Variants in GPR19 observed in about 807,000 individuals in gnomAD.
GPR19 encodes the protein G protein-coupled receptor 19.
A neutral mutation model predicts 28.5 loss-of-function variants in GPR19; 14 were observed. That is an observed-to-expected ratio of 0.49 (90% confidence interval 0.32 to 0.77). GPR19 has a LOEUF of 0.77. GPR19 is among the 30% of genes least tolerant of loss of function. The pLI, the probability that GPR19 is intolerant of heterozygous loss-of-function variation, is 0.03. For synonymous variants in GPR19, 173 were observed against 184.1 expected (o/e 0.94, Z 0.49); for missense variants, 409 against 504.1 (o/e 0.81, Z 1.81).
intron 3 of GPR19, among the ~76,000 whole-genome samples, chr12:12,683,625 C>T (rs780059598): frequency 3.3e-5 from 5 of 152,154 alleles, no homozygotes; most frequent in Non-Finnish European, 7.4e-5. Context: ...CAGTGCCTTG[C>T]ACATTAGAAA....
chr12:12,714,404 G>A, the GPR19 span, among the ~76,000 whole-genome samples: 301 of 152,290 alleles, frequency 2.0e-3, 5 homozygotes, highest in East Asian at 0.014. Flanking sequence ...CGACGCTGGC[G>A]GCTTGCTCAT....
intron 3 of GPR19, among the ~76,000 whole-genome samples, chr12:12,682,580 A>G (rs1233654265): frequency 1.3e-5 from 2 of 152,234 alleles, no homozygotes; most frequent in African/African-American, 4.8e-5. Context: ...ATGTGACTAT[A>G]ATAGCATCAA....
In GPR19 at chr12:12,675,186, G is replaced by GT. The variant is rs533896745; in HGVS notation, c.-23+9164dup. 3.6e-4 allele frequency among the ~76,000 whole-genome samples: 55 copies of GT among 152,238 alleles called. No homozygotes were observed. In the South Asian group the frequency reaches 4.4e-3, roughly 12 times the overall value. On this transcript the variant is annotated intron_variant, in intron 3 of 3. Transcript: ENST00000651487. ...CTGTTGTCCTGGAAGCAATTCAGAG[G>GT]TTTTTTTATAGACAAAAGAACCTAA...
chr12:12,698,218 AT>A (rs1169325076), upstream of GPR19, among the ~76,000 whole-genome samples: 1 of 152,166 alleles, frequency 6.6e-6, no homozygotes, highest in Admixed American at 6.5e-5. Flanking sequence ...CAAATAAAAC[AT>A]TTTTCTTCAC....
chr12:12,693,990 C>A (rs1946222478), intron 2 of GPR19, among the ~76,000 whole-genome samples: 1 of 152,006 alleles, frequency 6.6e-6, no homozygotes, highest in African/African-American at 2.4e-5. Flanking sequence ...CGTGAGCCAC[C>A]GTGCCTGGCC....
At chr12:12,691,370 C>T (rs973064087) in intron 2 of GPR19, among the ~76,000 whole-genome samples, 4 of 152,176 alleles carry the variant, frequency 2.6e-5, no homozygotes, top group Admixed American at 2.6e-4. Context: ...ATTTCACCTC[C>T]ATTTGAGTCA....
intron 3 of GPR19, among the ~76,000 whole-genome samples, chr12:12,679,052 C>T (rs1945981637): frequency 6.6e-6 from 1 of 152,148 alleles, no homozygotes; most frequent in South Asian, 2.1e-4. Flanking sequence ...CCACCTCAGC[C>T]TCCCAAAGTA....
At chr12:12,716,741 G>T in the GPR19 span, 1 of 985,144 alleles carries the variant, frequency 1.0e-6, no homozygotes, top group African/African-American at 1.7e-5. Context: ...TCTTCCCTAG[G>T]CCCCCAGCCT....
At chr12:12,716,853 C>A in the GPR19 span, 6 of 983,934 alleles carry the variant, frequency 6.1e-6, no homozygotes, top group South Asian at 9.4e-5. Context: ...GGCGCCCAGC[C>A]CCCCCAGCAA....
At chr12:12,699,138 T>C (rs7310890), upstream of GPR19, among the ~76,000 whole-genome samples, 148,789 of 151,752 alleles carry the variant, frequency 0.98, 73,003 homozygotes, top group East Asian at 1. Context: ...GTCAGGAGTT[T>C]GAGACCAGCC....
At chr12:12,702,828 A>G in the GPR19 span, among the ~76,000 whole-genome samples, 1 of 152,206 alleles carries the variant, frequency 6.6e-6, no homozygotes, top group Non-Finnish European at 1.5e-5. Context: ...AAGGTGTTAA[A>G]AAATGATGAT....
the GPR19 span, among the ~76,000 whole-genome samples, chr12:12,701,575 TCGCCC>T: frequency 6.6e-6 from 1 of 152,130 alleles, no homozygotes; most frequent in African/African-American, 2.4e-5. Context: ...ATTTAGTTAA[TCGCCC>T]CATTTGATTT....
At chr12:12,665,631 G>A (rs1267218765) in intron 3 of GPR19, among the ~76,000 whole-genome samples, 3 of 152,042 alleles carry the variant, frequency 2.0e-5, no homozygotes, top group Non-Finnish European at 4.4e-5. Context: ...AAGGTCAGGA[G>A]ATCGAGACCA....
upstream of GPR19, among the ~76,000 whole-genome samples, chr12:12,698,757 C>T (rs774174776): frequency 2.6e-5 from 4 of 151,836 alleles, no homozygotes; most frequent in Admixed American, 1.3e-4. Flanking sequence ...ATTACAGGTG[C>T]GTGCCACCAC....
the GPR19 span, among the ~76,000 whole-genome samples, chr12:12,701,253 A>G: frequency 2.0e-5 from 3 of 152,176 alleles, no homozygotes; most frequent in Non-Finnish European, 4.4e-5. Context: ...TTTTTTCTTA[A>G]CATCTTTATA....
At chr12:12,686,617 C>T (rs948380486) in intron 2 of GPR19, among the ~76,000 whole-genome samples, 1 of 152,168 alleles carries the variant, frequency 6.6e-6, no homozygotes, top group African/African-American at 2.4e-5. Flanking sequence ...GAAATGGAGG[C>T]TTGGGGGAAT....
In GPR19 at chr12:12,662,134, G is replaced by C. The variant is rs756760549; in HGVS notation, c.315C>G (p.Val105=). ...TGAGAAGGTCAGCACATGCCATGGA[G>C]ACCACAAAGTAGTTGGTGGTAGACT... The part of the protein sequence containing the change: ...RTQSTTNYFV[V]SMACADLLIS... The change falls in exon 4 of 4, where the codon GTC becomes GTG. Residue 105 remains valine, a synonymous_variant. Coordinates refer to ENST00000651487, the MANE Select transcript of GPR19 (RefSeq NM_006143.3). 12 of 1,614,136 alleles carry C rather than the reference G, an allele frequency of 7.4e-6. No individual in the cohort carries two copies. Among genetic ancestry groups the C allele is most frequent in the South Asian group, 1.1e-5 (1 of 91,072 alleles).
chr12:12,673,871 C>T (rs568767777), intron 3 of GPR19, among the ~76,000 whole-genome samples: 1 of 152,182 alleles, frequency 6.6e-6, no homozygotes, highest in East Asian at 1.9e-4. Context: ...AACCCCCTCA[C>T]GCACATTTAT....
In GPR19 at chr12:12,680,217, A is replaced by C. The variant is rs150299350; in HGVS notation, c.-23+4134T>G. Among the ~76,000 whole-genome samples the C allele has an allele frequency of 2.4e-4, 37 of 152,342 alleles. No individual in the cohort carries two copies. The East Asian group carries it at 5.8e-3, about 24-fold the overall frequency. On this transcript the variant is annotated intron_variant, in intron 3 of 3. Coordinates refer to ENST00000651487, the MANE Select transcript of GPR19 (RefSeq NM_006143.3). ...AGAACTTTATTTGTGATATAGTAAA[A>C]AGAGCACAGAATTAAAAAGACCTGG...
Sources: allele counts gnomAD v4.1 joint callset (sites outside exome capture counted in the v4.1 genomes callset), GRCh38; gene constraint gnomAD v4.1.1; transcripts MANE v1.5; gene names NCBI Gene and HGNC (gene_info 2026-07-23, HGNC 2026-07-21).